PXN: variants seen among roughly 807,000 people sequenced by gnomAD.
PXN encodes paxillin, also known as testicular tissue protein Li 134.
PXN carries 61 observed loss-of-function variants against 103.6 expected under a neutral mutation model. The ratio of observed to expected loss-of-function variants is 0.59; its 90% CI spans 0.48 to 0.73. The LOEUF (loss-of-function observed/expected upper bound fraction) is 0.73, where lower values mean the gene tolerates loss of function less well. PXN is among the 30% of genes least tolerant of loss of function. The pLI is 0.00. For missense variants in PXN, 1,274 were observed against 1,460.3 expected, an observed-to-expected ratio of 0.87 and a Z score of 2.08; for synonymous variants, 562 against 607.8, an observed-to-expected ratio of 0.92 and a Z score of 1.11.
At chr12:120,249,252 G>T (rs1011976976) in intron 1 of PXN, among the ~76,000 whole-genome samples, 79 of 152,098 alleles carry the variant, frequency 5.2e-4, no homozygotes, top group African/African-American at 1.8e-3. Context: ...TCTGACTGAA[G>T]AAGATGACGG....
At chr12:120,261,998 C>A (rs923505507) in intron 1 of PXN, among the ~76,000 whole-genome samples, 13 of 152,204 alleles carry the variant, frequency 8.5e-5, no homozygotes, top group African/African-American at 3.1e-4. Flanking sequence ...AGGGCACTAT[C>A]GCTGCATGGG....
At chr12:120,243,007 CT>C (rs1890421977) in intron 1 of PXN, among the ~76,000 whole-genome samples, 1 of 152,086 alleles carries the variant, frequency 6.6e-6, no homozygotes, top group Non-Finnish European at 1.5e-5. Flanking sequence ...AGCCTAATGA[CT>C]GTCCTTGGCC....
Position 120,220,087 on chromosome 12 carries a change from C to T in PXN, c.836G>A (p.Ser279Asn). 1 of 1,191,990 alleles carries T rather than the reference C, an allele frequency of 8.4e-7. No individual in the cohort carries two copies. The highest frequency in any genetic ancestry group is 1.2e-6 in the Non-Finnish European group (1 of 857,220). The allele number at this position is 1,191,990 out of a possible 1,614,324, so 73.8% of individuals were successfully genotyped here. ...GGCACTCAGAGCCACAGTGGAGGAG[C>T]TGGTCTGGAGAAGAGAGAAATGCAG... ...LMASLSDFKTSSSTVALSAPG... is the reference protein window; with the variant it reads ...LMASLSDFKTNSSTVALSAPG... The change falls in exon 7 of 15, where the codon AGC becomes AAC. Residue 279 changes from serine (S) to asparagine (N), a missense_variant. Ser to Asn is a conservative substitution (Grantham distance 46). This residue lies in a region of PXN where 1,178 missense variants were observed against 1,309.0 expected (regional missense o/e 0.90). Coordinates refer to ENST00000637617, the MANE Select transcript of PXN (RefSeq NM_001385981.1). This position sits in a 1 kb window ranked among gnomAD's most constrained non-coding sequence, Gnocchi z 6.1.
At chr12:120,240,166 G>A (rs1420303754) in intron 1 of PXN, among the ~76,000 whole-genome samples, 3 of 152,110 alleles carry the variant, frequency 2.0e-5, no homozygotes, top group Non-Finnish European at 2.9e-5. Flanking sequence ...CCTCACTCAA[G>A]CCATTTAGAG....
chr12:120,228,657 TGGAGGAACACAGCAAGCTAGTG>T lies in PXN; in HGVS notation c.14-4302_14-4281del, dbSNP rs1250270206. On this transcript the variant is annotated intron_variant, in intron 1 of 14. Coordinates refer to ENST00000637617, the MANE Select transcript of PXN (RefSeq NM_001385981.1). The surrounding 1 kb of genome is among the most constrained non-coding windows in gnomAD (Gnocchi z 4.7). ...CTATCCTTAGAGAACAAGGCTGAGCTGGAGGAACACAGCAAGCTAGTGGGAGGAACACAGGTAGCCTGGTATC... is the reference window on the plus strand; with the variant it reads ...CTATCCTTAGAGAACAAGGCTGAGCTGGAGGAACACAGGTAGCCTGGTATC... Among the ~76,000 whole-genome samples, 3 of 152,184 alleles carry T rather than the reference TGGAGGAACACAGCAAGCTAGTG, an allele frequency of 2.0e-5. No homozygotes were observed. The highest frequency in any genetic ancestry group is 4.4e-5 in the Non-Finnish European group (3 of 68,036).
At position 120,228,659 on chromosome 12, in the gene PXN, G is replaced by A. The variant is rs1247273076; in HGVS notation, c.14-4282C>T. Among the ~76,000 whole-genome samples the A allele has an allele frequency of 2.0e-5, 3 of 152,236 alleles. No homozygotes were observed. The highest frequency in any genetic ancestry group is 2.0e-4 in the Admixed American group (3 of 15,284). On this transcript the variant is annotated intron_variant, in intron 1 of 14. Coordinates refer to ENST00000637617, the MANE Select transcript of PXN (RefSeq NM_001385981.1). The surrounding 1 kb of genome is among the most constrained non-coding windows in gnomAD (Gnocchi z 4.7). Reference sequence around the variant, plus strand: ...ATCCTTAGAGAACAAGGCTGAGCTGGAGGAACACAGCAAGCTAGTGGGAGG... The same window carrying A: ...ATCCTTAGAGAACAAGGCTGAGCTGAAGGAACACAGCAAGCTAGTGGGAGG...
intron 1 of PXN, chr12:120,226,641 G>T: frequency 3.4e-6 from 4 of 1,181,254 alleles, no homozygotes; most frequent in Non-Finnish European, 4.3e-6. Context: ...CAGGCTCTTG[G>T]GAGCACAGAT....
Position 120,224,334 on chromosome 12 carries a change from G to A in PXN, c.57C>T (p.Ser19=). 1.2e-6 allele frequency: 2 copies of A among 1,614,020 alleles called. No individual in the cohort carries two copies. The highest frequency in any genetic ancestry group is 8.5e-7 in the Non-Finnish European group (1 of 1,179,888). ...ADLESTTSHI[S]KRPVFLSEET... ...CCTCCGACAAGAACACAGGCCGTTT[G>A]GAGATGTGGGAGGTGGTAGACTCCA... The change falls in exon 2 of 15, where the codon TCC becomes TCT. Residue 19 remains serine, a synonymous_variant. Transcript: ENST00000637617. The surrounding 1 kb of genome is among the most constrained non-coding windows in gnomAD (Gnocchi z 5.0).
intron 1 of PXN, among the ~76,000 whole-genome samples, chr12:120,256,431 G>A (rs1329522326): frequency 6.6e-6 from 1 of 151,550 alleles, no homozygotes; most frequent in African/African-American, 2.4e-5. Flanking sequence ...GAGAAGGAGA[G>A]GAGAAAAACG....
intron 1 of PXN, among the ~76,000 whole-genome samples, chr12:120,231,841 G>C (rs1888111249): frequency 6.6e-6 from 1 of 152,188 alleles, no homozygotes; most frequent in Non-Finnish European, 1.5e-5. Flanking sequence ...ATCTGCACCA[G>C]GCACACACAA....
rs1882600587 is a variant in PXN, at chr12:120,215,606, GGCCA to G, written c.2353_2356del (p.Trp785LeufsTer50). 1.9e-6 allele frequency: 3 copies of G among 1,610,876 alleles called. No homozygotes were observed. The highest frequency in any genetic ancestry group is 1.3e-5 in the African/African-American group (1 of 74,840). On this transcript the variant is annotated frameshift_variant, in exon 10 of 15. Transcript: ENST00000637617. LOFTEE classifies it high-confidence loss of function. This position sits in a 1 kb window ranked among gnomAD's most constrained non-coding sequence, Gnocchi z 4.9. Reference sequence around the variant, plus strand: ...GGGGCTGCTCCGCCCGCCGTCCCGAGGCCAGCCGGCCGCCCAGCACCGCTCCCCA... The same window carrying G: ...GGGGCTGCTCCGCCCGCCGTCCCGAGGCCGGCCGCCCAGCACCGCTCCCCA...
chr12:120,222,330 A>T lies in PXN; in HGVS notation c.695+219T>A, dbSNP rs117551472. 2.0e-5 allele frequency among the ~76,000 whole-genome samples: 3 copies of T among 152,378 alleles called. No individual in the cohort carries two copies. The East Asian group carries it at 5.8e-4, about 29-fold the overall frequency. On this transcript the variant is annotated intron_variant, in intron 5 of 14. Transcript: ENST00000637617. This position sits in a 1 kb window ranked among gnomAD's most constrained non-coding sequence, Gnocchi z 4.7. ...CCTGTGCTAAGAGCTGCTAAGCTCC[A>T]GGCGCCCTCAGCCTGCACAACGTCT...
At position 120,224,237 on chromosome 12, in the gene PXN, G is replaced by T. The variant is rs774965749; in HGVS notation, c.154C>A (p.Pro52Thr). 1 of 1,612,398 alleles carries T rather than the reference G, an allele frequency of 6.2e-7. No individual in the cohort carries two copies. Among genetic ancestry groups the T allele is most frequent in the Non-Finnish European group, 8.5e-7 (1 of 1,178,572 alleles). ...CCATTGAGGGCCTCGCTGGACGGGG[G>T]TGGGGGGACGGGGGGTGGCACGGCA... ...EIAVPPPVPPPPSSEALNGTI... is the reference protein window; with the variant it reads ...EIAVPPPVPPTPSSEALNGTI... The change falls in exon 2 of 15, where the codon CCC becomes ACC. Residue 52 changes from proline (P) to threonine (T), a missense_variant. Pro to Thr is a conservative substitution (Grantham distance 38, BLOSUM62 -1). Coordinates refer to ENST00000637617, the MANE Select transcript of PXN (RefSeq NM_001385981.1). This position sits in a 1 kb window ranked among gnomAD's most constrained non-coding sequence, Gnocchi z 5.0.
rs376715012 is a variant in PXN at position 120,217,044 on chromosome 12, G to A, written c.1789C>T (p.Arg597Cys). 22 of 1,589,888 alleles carry A rather than the reference G, an allele frequency of 1.4e-5. No homozygotes were observed. The African/African-American group carries it at 2.1e-4, about 15-fold the overall frequency. Reference sequence around the variant, plus strand: ...CTCAAGGTGGCAGGGTCCAGCCGGCGGCGAGGGGAGGGCTCCCGGGACATG... The same window carrying A: ...CTCAAGGTGGCAGGGTCCAGCCGGCAGCGAGGGGAGGGCTCCCGGGACATG... ...HPMSREPSPR[R>C]RLDPATLSRT... is the part of the protein sequence containing the mutation. The change falls in exon 8 of 15, where the codon CGC becomes TGC. Residue 597 changes from arginine to cysteine, a missense_variant. By Grantham distance (180) the Arg-to-Cys change is radical (BLOSUM62 -3). Transcript: ENST00000637617. This position sits in a 1 kb window ranked among gnomAD's most constrained non-coding sequence, Gnocchi z 4.1.
At position 120,224,410 on chromosome 12, in the gene PXN, A is replaced by T; in HGVS notation, c.14-33T>A. 1.3e-6 allele frequency: 2 copies of T among 1,538,538 alleles called. No individual in the cohort carries two copies. The highest frequency in any genetic ancestry group is 1.8e-6 in the Non-Finnish European group (2 of 1,112,162). On this transcript the variant is annotated intron_variant, in intron 1 of 14. Transcript: ENST00000637617. The surrounding 1 kb of genome is among the most constrained non-coding windows in gnomAD (Gnocchi z 5.0). ...GAGAAGGCACGGGTAGCAGGTGAGA[A>T]CCGGGATCCTGGGGACTCTCCCGTG...
intron 1 of PXN, among the ~76,000 whole-genome samples, chr12:120,253,078 T>C (rs185218088): frequency 1.2e-4 from 18 of 152,040 alleles, no homozygotes; most frequent in Admixed American, 7.2e-4. Context: ...GGCAACTAAT[T>C]TGGAATATTT....
intron 1 of PXN, among the ~76,000 whole-genome samples, chr12:120,256,985 G>A (rs2238156): frequency 0.16 from 24,321 of 152,082 alleles, 2,271 homozygotes; most frequent in East Asian, 0.45. Context: ...AGCCTCCCAA[G>A]GCTGGGATTA....
rs1883757160 is a variant in PXN, at chr12:120,217,919, G to GA, written c.1717-804_1717-803insT. 6.8e-6 allele frequency among the ~76,000 whole-genome samples: 1 copy of GA among 146,118 alleles called. No individual in the cohort carries two copies. The highest frequency in any genetic ancestry group is 2.2e-4 in the South Asian group (1 of 4,644). ...AGCTAGCCAGGAACTTTTTTAACTA[G>GA]TTTTTTTTTTCTTATTTATATTATT... On this transcript the variant is annotated intron_variant, in intron 7 of 14. Coordinates refer to ENST00000637617, the MANE Select transcript of PXN (RefSeq NM_001385981.1). This position sits in a 1 kb window ranked among gnomAD's most constrained non-coding sequence, Gnocchi z 4.1.
In PXN at chr12:120,237,926, T is replaced by G. The variant is rs1457074159; in HGVS notation, c.14-13549A>C. On this transcript the variant is annotated intron_variant, in intron 1 of 14. Coordinates refer to ENST00000637617, the MANE Select transcript of PXN (RefSeq NM_001385981.1). ...TTTGTAGGCTCCCCAGGCACAATCA[T>G]AGGCAGCAGGCCTGACCCAACCCAG... 2.6e-5 allele frequency among the ~76,000 whole-genome samples: 4 copies of G among 152,240 alleles called. No individual in the cohort carries two copies. In the South Asian group the frequency reaches 6.2e-4, roughly 24 times the overall value.
Sources: gnomAD v4.1 joint callset for allele counts (sites outside exome capture counted in the v4.1 genomes callset) on GRCh38, gnomAD v4.1.1 for gene constraint, gnomAD v4.1.1 regional missense constraint, Gnocchi (gnomAD v3.1) non-coding constraint, MANE v1.5 for transcripts, NCBI Gene and HGNC (gene_info 2026-07-23, HGNC 2026-07-21) for gene names.